Variants in ATP9A observed in about 807,000 individuals in gnomAD.
ATP9A encodes ATPase phospholipid transporting 9A.
In ATP9A, 52 loss-of-function variants were observed where a neutral mutation model predicts 144.1. That is an observed-to-expected ratio of 0.36 (90% confidence interval 0.29 to 0.45). The LOEUF is 0.45. Among genes scored for constraint, ATP9A ranks in the 20% least tolerant of loss-of-function variants. The pLI, the probability that ATP9A is intolerant of heterozygous loss-of-function variation, is 1.00. For synonymous variants in ATP9A, 582 were observed against 557.4 expected (o/e 1.04, Z -0.62); for missense variants, 947 against 1,392.7 (o/e 0.68, Z 5.09).
At chr20:51,690,532 T>C (rs1377068808) in intron 8 of ATP9A, among the ~76,000 whole-genome samples, 2 of 152,228 alleles carry the variant, frequency 1.3e-5, no homozygotes, top group Non-Finnish European at 2.9e-5. Flanking sequence ...TGTCAGGTCA[T>C]TTAAGCTGTT....
At chr20:51,648,038 T>TC (rs199561090) in intron 14 of ATP9A, among the ~76,000 whole-genome samples, 2,166 of 152,294 alleles carry the variant, frequency 0.014, 23 homozygotes, top group Non-Finnish European at 0.021. Context: ...ACCCCTTGGG[T>TC]CCAAGGTCAT....
chr20:51,605,022 T>C lies in ATP9A; in HGVS notation c.2804-2A>G. The C allele has an allele frequency of 6.2e-7, 1 of 1,601,416 alleles. No homozygotes were observed. The highest frequency in any genetic ancestry group is 8.5e-7 in the Non-Finnish European group (1 of 1,173,782). On this transcript the variant is annotated splice_acceptor_variant, in intron 26 of 27. Transcript: ENST00000338821. LOFTEE classifies it high-confidence loss of function. ...GCGCCCCGTACATGATGGTGCTCCC[T>C]GCAAACACCAGAGAAGGGTATTCCC...
In ATP9A at chr20:51,716,377, G is replaced by A. The variant is rs150657761; in HGVS notation, c.328-3303C>T. ...TTGGGGAGGCTGAGGCGGGAAGATC[G>A]CTTGAGCCCAGGAGTTCGAGACCAG... is the stretch of plus-strand genomic sequence containing the variant. On this transcript the variant is annotated intron_variant, in intron 3 of 27. Coordinates refer to ENST00000338821, the MANE Select transcript of ATP9A (RefSeq NM_006045.3). 7.3e-3 allele frequency among the ~76,000 whole-genome samples: 1,111 copies of A among 151,772 alleles called. 15 individuals are homozygous for A. Among genetic ancestry groups the A allele is most frequent in the African/African-American group, 0.025 (1,031 of 41,354 alleles).
rs558381487 is a variant in ATP9A, at chr20:51,743,525, G to A, written c.69-13547C>T. 1.0e-4 allele frequency among the ~76,000 whole-genome samples: 15 copies of A among 146,354 alleles called. 1 individual carries two copies. The Middle Eastern group carries it at 0.015, about 142-fold the overall frequency. On this transcript the variant is annotated intron_variant, in intron 1 of 27. Coordinates refer to ENST00000338821, the MANE Select transcript of ATP9A (RefSeq NM_006045.3). ...AGCGATTCTACTCCCTCGACCTCCCGAGTAGCTGGGATTACAGGCGTGCAC... is the reference window on the plus strand; with the variant it reads ...AGCGATTCTACTCCCTCGACCTCCCAAGTAGCTGGGATTACAGGCGTGCAC...
At chr20:51,661,911 A>G (rs967773639) in intron 13 of ATP9A, among the ~76,000 whole-genome samples, 2 of 152,172 alleles carry the variant, frequency 1.3e-5, no homozygotes, top group African/African-American at 4.8e-5. Flanking sequence ...ATAAATTTAA[A>G]TGTACCCATA....
At chr20:51,655,757 A>T (rs1244941386) in intron 14 of ATP9A, among the ~76,000 whole-genome samples, 2 of 152,122 alleles carry the variant, frequency 1.3e-5, no homozygotes, top group African/African-American at 4.8e-5. Context: ...GAGTCACCAT[A>T]TGACATTGCC....
chr20:51,718,522 A>C (rs1284215576), intron 3 of ATP9A, among the ~76,000 whole-genome samples: 1 of 151,806 alleles, frequency 6.6e-6, no homozygotes, highest in African/African-American at 2.4e-5. Context: ...CTTTTAAGAT[A>C]ATTCAAAAGA....
chr20:51,615,688 T>G (rs557502206), intron 22 of ATP9A, among the ~76,000 whole-genome samples: 1 of 152,310 alleles, frequency 6.6e-6, no homozygotes, highest in South Asian at 2.1e-4. Flanking sequence ...TCACCCAGAG[T>G]GCAGTGGCAC....
At chr20:51,635,732 C>T (rs936857004) in intron 15 of ATP9A, among the ~76,000 whole-genome samples, 5 of 137,888 alleles carry the variant, frequency 3.6e-5, no homozygotes, top group African/African-American at 8.2e-5. Context: ...GCAAGATGGA[C>T]GGAAGGAAGG....
rs565885127 is a variant in ATP9A at position 51,713,511 on chromosome 20, A to G, written c.328-437T>C. 3.3e-5 allele frequency among the ~76,000 whole-genome samples: 5 copies of G among 152,320 alleles called. No homozygotes were observed. The East Asian group carries it at 9.7e-4, about 29-fold the overall frequency. On this transcript the variant is annotated intron_variant, in intron 3 of 27. Coordinates refer to ENST00000338821, the MANE Select transcript of ATP9A (RefSeq NM_006045.3). ...ATATGCTCCTATAACTGAGATCCCC[A>G]TGCAGATGAGGAAACTGAGGCACAG...
intron 9 of ATP9A, among the ~76,000 whole-genome samples, chr20:51,682,577 CTTTTTT>C (rs60505207): frequency 9.1e-4 from 32 of 35,084 alleles, no homozygotes; most frequent in African/African-American, 1.0e-3. Context: ...TTCACTGTAT[CTTTTTT>C]TTTTTTTTTT....
At chr20:51,751,189 C>A (rs966846488) in intron 1 of ATP9A, among the ~76,000 whole-genome samples, 4 of 152,032 alleles carry the variant, frequency 2.6e-5, no homozygotes, top group Non-Finnish European at 5.9e-5. Context: ...GTGGGCCCTG[C>A]CACCACTTAT....
intron 14 of ATP9A, among the ~76,000 whole-genome samples, chr20:51,650,409 C>T (rs888615054): frequency 6.6e-6 from 1 of 151,890 alleles, no homozygotes; most frequent in African/African-American, 2.4e-5. Flanking sequence ...TGGCGTGCAC[C>T]TGTAGTCCCA....
At chr20:51,726,489 A>T (rs1025812547) in intron 2 of ATP9A, among the ~76,000 whole-genome samples, 7 of 127,554 alleles carry the variant, frequency 5.5e-5, no homozygotes, top group Non-Finnish European at 1.0e-4. Context: ...GTAAATACCA[A>T]ATTCAGAAGA....
chr20:51,752,120 T>C (rs777045261), intron 1 of ATP9A, among the ~76,000 whole-genome samples: 28 of 151,420 alleles, frequency 1.8e-4, no homozygotes, highest in Non-Finnish European at 2.8e-4. Context: ...ACAGAGTGAA[T>C]GGTCTGGAAA....
At chr20:51,712,692 C>A (rs1398948428) in intron 4 of ATP9A, among the ~76,000 whole-genome samples, 1 of 152,180 alleles carries the variant, frequency 6.6e-6, no homozygotes, top group African/African-American at 2.4e-5. Flanking sequence ...AGCTGGGATG[C>A]CAGCACACAA....
chr20:51,679,336 T>C (rs138572988), intron 9 of ATP9A, among the ~76,000 whole-genome samples: 106 of 151,858 alleles, frequency 7.0e-4, no homozygotes, highest in African/African-American at 2.4e-3. Context: ...AAAACAAAAT[T>C]CTAAAAAAAG....
In ATP9A at chr20:51,758,366, C is replaced by T. The variant is rs369025097; in HGVS notation, c.68+9936G>A. 1.1e-4 allele frequency among the ~76,000 whole-genome samples: 16 copies of T among 152,302 alleles called. 2 individuals are homozygous for T. Among genetic ancestry groups the T allele is most frequent in the Admixed American group, 2.0e-4 (3 of 15,296 alleles). On this transcript the variant is annotated intron_variant, in intron 1 of 27. Transcript: ENST00000338821. ...GAGTGACCCTGAAGACACGTCCCAA[C>T]CCCTCCACCCCTTCAAAGGCAGTCA...
chr20:51,762,317 G>A (rs926915857), intron 1 of ATP9A, among the ~76,000 whole-genome samples: 12 of 152,098 alleles, frequency 7.9e-5, no homozygotes, highest in Non-Finnish European at 1.6e-4. Context: ...CGGTCAACAC[G>A]GTGAAACCCC....
Sources: allele counts gnomAD v4.1 joint callset (sites outside exome capture counted in the v4.1 genomes callset), GRCh38; gene constraint gnomAD v4.1.1; transcripts MANE v1.5; gene names NCBI Gene and HGNC (gene_info 2026-07-23, HGNC 2026-07-21).